The following RIMS2 variants were observed in gnomAD, a reference collection of about 807,000 sequenced individuals.
RIMS2 encodes regulating synaptic membrane exocytosis 2.
In RIMS2, 59 loss-of-function variants were observed where a neutral mutation model predicts 174.4. The observed-to-expected ratio is 0.34, with a 90% confidence interval of 0.27 to 0.42. The LOEUF is 0.42. RIMS2 is among the 10% of genes least tolerant of loss of function. RIMS2 has a pLI of 1.00. For synonymous variants in RIMS2, 606 were observed against 572.5 expected (o/e 1.06, Z -0.84); for missense variants, 1,620 against 1,666.3 (o/e 0.97, Z 0.48).
chr8:104,186,869 C>T (rs2098970795), intron 19 of RIMS2, among the ~76,000 whole-genome samples: 1 of 151,652 alleles, frequency 6.6e-6, no homozygotes, highest in Non-Finnish European at 1.5e-5. Flanking sequence ...CCTAAAAAGA[C>T]CAGACCTCTA....
intron 1 of RIMS2, among the ~76,000 whole-genome samples, chr8:103,611,683 T>TC (rs1209316497): frequency 2.0e-5 from 3 of 148,902 alleles, no homozygotes; most frequent in Non-Finnish European, 4.5e-5. Flanking sequence ...ACTTTTTTTT[T>TC]TCCTGCTTTT....
chr8:103,797,490 C>G (rs907825102), intron 3 of RIMS2, among the ~76,000 whole-genome samples: 10 of 152,138 alleles, frequency 6.6e-5, no homozygotes, highest in Non-Finnish European at 1.0e-4. Context: ...TTCTTCATAT[C>G]TTTTACTTGT....
intron 19 of RIMS2, 109 bp downstream of exon 25, chr8:104,148,957 C>A (rs554404584): frequency 1.1e-5 from 13 of 1,157,258 alleles, no homozygotes; most frequent in Non-Finnish European, 1.6e-5. Context: ...ATGACATGTT[C>A]CAGAGGGAAA....
In RIMS2 at chr8:104,200,585, A is replaced by G. The variant is rs189458186; in HGVS notation, c.3335-44331A>G. Among the ~76,000 whole-genome samples, 127 of 152,336 alleles carry G rather than the reference A, an allele frequency of 8.3e-4. 1 individual carries two copies. The South Asian group carries it at 0.025, about 30-fold the overall frequency. On this transcript the variant is annotated intron_variant, in intron 19 of 23. Transcript: ENST00000504942. ...GTATTTTTAAATATGAGTTGGTGCC[A>G]GGGTCAACAGTCATTTTTACCTTAA...
At chr8:103,992,096 GTGTTGT>G (rs999316760) in intron 17 of RIMS2, among the ~76,000 whole-genome samples, 1 of 151,824 alleles carries the variant, frequency 6.6e-6, no homozygotes, top group Non-Finnish European at 1.5e-5. Flanking sequence ...AGTTCACTTA[GTGTTGT>G]TGTTGTTTTG....
intron 1 of RIMS2, among the ~76,000 whole-genome samples, chr8:103,621,815 A>G (rs1323350424): frequency 5.3e-5 from 8 of 152,164 alleles, no homozygotes; most frequent in Admixed American, 5.2e-4. Context: ...TATTTTTGAG[A>G]CATTGATGCA....
intron 1 of RIMS2, among the ~76,000 whole-genome samples, chr8:103,694,968 C>T (rs927260174): frequency 6.6e-6 from 1 of 152,160 alleles, no homozygotes; most frequent in Non-Finnish European, 1.5e-5. Context: ...TGCATACAAC[C>T]CTGATGTCTG....
chr8:103,824,846 A>G (rs17810092), intron 3 of RIMS2, among the ~76,000 whole-genome samples: 19,916 of 152,272 alleles, frequency 0.13, 1,761 homozygotes, highest in Non-Finnish European at 0.2. Flanking sequence ...ATTTCATCAT[A>G]AGTCCTTTGA....
intron 19 of RIMS2, among the ~76,000 whole-genome samples, chr8:104,212,259 A>G (rs1332989434): frequency 1.3e-5 from 2 of 152,094 alleles, no homozygotes; most frequent in South Asian, 2.1e-4. Flanking sequence ...CTCTGGAGGG[A>G]ATGTATAATA....
At chr8:103,756,390 G>GTTT (rs60639460) in intron 2 of RIMS2, among the ~76,000 whole-genome samples, 4 of 112,456 alleles carry the variant, frequency 3.6e-5, no homozygotes, top group East Asian at 2.4e-4. Context: ...TGTTGTTTTT[G>GTTT]TTTTTTTTTT....
At chr8:103,954,680 G>A (rs192009657) in intron 14 of RIMS2, among the ~76,000 whole-genome samples, 3 of 151,762 alleles carry the variant, frequency 2.0e-5, no homozygotes, top group African/African-American at 7.3e-5. Context: ...CCCTAACATC[G>A]CAATTAAAAG....
chr8:104,052,972 G>T (rs988183314), intron 19 of RIMS2, among the ~76,000 whole-genome samples: 4 of 152,008 alleles, frequency 2.6e-5, no homozygotes, highest in African/African-American at 9.7e-5. Context: ...AAAAGTACAG[G>T]GCCAAACAGT....
chr8:104,056,227 AC>A (rs1208147675), intron 19 of RIMS2, among the ~76,000 whole-genome samples: 3 of 151,976 alleles, frequency 2.0e-5, no homozygotes, highest in African/African-American at 4.8e-5. Flanking sequence ...ACATGGTAAA[AC>A]CCTGAATCTA....
chr8:104,056,131 G>A (rs993880125), intron 19 of RIMS2, among the ~76,000 whole-genome samples: 2 of 152,124 alleles, frequency 1.3e-5, no homozygotes, highest in Admixed American at 6.5e-5. Flanking sequence ...CCGGCCAGGC[G>A]TGGTGGCTCA....
intron 1 of RIMS2, among the ~76,000 whole-genome samples, chr8:103,592,130 A>G (rs2094292272): frequency 1.3e-5 from 2 of 151,220 alleles, no homozygotes; most frequent in Non-Finnish European, 3.0e-5. Context: ...AATAAAACTT[A>G]AAGGAGAATA....
intron 19 of RIMS2, among the ~76,000 whole-genome samples, chr8:104,087,022 A>AT (rs902521688): frequency 1.3e-5 from 2 of 151,922 alleles, no homozygotes; most frequent in African/African-American, 2.4e-5. Context: ...GTAAATTGGA[A>AT]TTTTTTTTCC....
At chr8:103,733,396 G>T (rs2097637175) in intron 2 of RIMS2, among the ~76,000 whole-genome samples, 1 of 152,074 alleles carries the variant, frequency 6.6e-6, no homozygotes, top group Non-Finnish European at 1.5e-5. Flanking sequence ...AAGGGGTGGT[G>T]CAAGCACTCC....
At chr8:104,205,495 C>CTGTGTGTGTG (rs55980964) in intron 19 of RIMS2, among the ~76,000 whole-genome samples, 4,279 of 150,988 alleles carry the variant, frequency 0.028, 126 homozygotes, top group African/African-American at 0.081. Context: ...TGTGAAGTGT[C>CTGTGTGTGTG]TGTGTGTGTG....
chr8:103,678,530 G>A (rs1050468057), intron 1 of RIMS2, among the ~76,000 whole-genome samples: 3 of 152,106 alleles, frequency 2.0e-5, no homozygotes, highest in Non-Finnish European at 4.4e-5. Flanking sequence ...AAGTGATATT[G>A]AAGTGCATGA....
Sources: allele counts gnomAD v4.1 joint callset (sites outside exome capture counted in the v4.1 genomes callset), GRCh38; gene constraint gnomAD v4.1.1; transcripts MANE v1.5; gene names NCBI Gene and HGNC (gene_info 2026-07-23, HGNC 2026-07-21).